Variants in RP1 observed in about 807,000 individuals in gnomAD.
RP1 encodes RP1 axonemal microtubule associated, also known as oxygen-regulated protein 1.
A neutral mutation model predicts 14.8 loss-of-function variants in RP1; 16 were observed. That is an observed-to-expected ratio of 1.08 (90% CI 0.73 to 1.65). The LOEUF (loss-of-function observed/expected upper bound fraction) is 1.65. RP1 is among the 40% of genes most tolerant of loss of function. RP1 has a pLI of 0.00. For synonymous variants in RP1, 876 were observed against 883.6 expected, an observed-to-expected ratio of 0.99 and a Z score of 0.15; for missense variants, 2,631 against 2,535.0, an observed-to-expected ratio of 1.04 and a Z score of -0.81.
chr8:54,798,265 G>A (rs182823962), intron 24 of RP1, among the ~76,000 whole-genome samples: 10 of 152,242 alleles, frequency 6.6e-5, no homozygotes, highest in Admixed American at 2.6e-4. Flanking sequence ...GCCTGCTTCG[G>A]CCTCTCAAAG....
At chr8:54,833,329 G>A (rs1183086701) in intron 24 of RP1, among the ~76,000 whole-genome samples, 1 of 151,866 alleles carries the variant, frequency 6.6e-6, no homozygotes, top group African/African-American at 2.4e-5. Context: ...CTATTTTCAA[G>A]GGTAAGGTCT....
At chr8:54,681,516 GTGTGTGTA>G (rs1807430662) in intron 12 of RP1, among the ~76,000 whole-genome samples, 1 of 151,220 alleles carries the variant, frequency 6.6e-6, no homozygotes, top group African/African-American at 2.4e-5. Context: ...GTGTGTGTGT[GTGTGTGTA>G]TGTATATATG....
At chr8:54,591,414 T>A (rs1563320232) in intron 1 of RP1, among the ~76,000 whole-genome samples, 2 of 152,100 alleles carry the variant, frequency 1.3e-5, no homozygotes, top group Non-Finnish European at 1.5e-5. Context: ...GGAATACATT[T>A]CTTCTGTATC....
At chr8:54,801,251 A>C (rs1810698577) in intron 24 of RP1, among the ~76,000 whole-genome samples, 1 of 151,958 alleles carries the variant, frequency 6.6e-6, no homozygotes, top group Non-Finnish European at 1.5e-5. Context: ...GCTGTATTCC[A>C]CTGTTATTTT....
In RP1 at chr8:54,628,368, GA is replaced by G. The variant is rs773327743; in HGVS notation, c.4488del (p.Glu1497ArgfsTer2). The G allele has an allele frequency of 6.2e-7, 1 of 1,613,702 alleles. No individual in the cohort carries two copies. The highest frequency in any genetic ancestry group is 8.5e-7 in the Non-Finnish European group (1 of 1,179,836). Reference sequence around the variant, plus strand: ...GCAAGCCACTGAAGAATTAATCCAAGAAGAGGTAGAGGCTAGTAAAACTTTA... The same window carrying G: ...GCAAGCCACTGAAGAATTAATCCAAGAGAGGTAGAGGCTAGTAAAACTTTA... ...GEQATEELIQEEVEASKTLEL... is the reference protein window; with the variant it reads ...GEQATEELIQXEVEASKTLEL... On this transcript the variant is annotated frameshift_variant, in exon 4 of 4. Transcript: ENST00000220676. LOFTEE classifies it low-confidence loss of function (END_TRUNC).
intron 7 of RP1, among the ~76,000 whole-genome samples, chr8:54,669,828 G>A (rs1449132255): frequency 1.4e-5 from 2 of 147,772 alleles, no homozygotes; most frequent in African/African-American, 4.9e-5. Context: ...ACTGAACAAT[G>A]AGAACACTTG....
chr8:54,768,371 A>T (rs1275023728), intron 22 of RP1, among the ~76,000 whole-genome samples: 1 of 152,188 alleles, frequency 6.6e-6, no homozygotes, highest in Non-Finnish European at 1.5e-5. Flanking sequence ...TTACATTTAT[A>T]TCTTTACATA....
chr8:54,781,054 G>A (rs1010691714), intron 23 of RP1: 12 of 984,326 alleles, frequency 1.2e-5, no homozygotes, highest in Non-Finnish European at 1.4e-5. Context: ...TAACACAAAA[G>A]GAAAGTAAGC....
At chr8:54,617,816 C>G (rs573888192) in intron 1 of RP1, among the ~76,000 whole-genome samples, 1 of 152,308 alleles carries the variant, frequency 6.6e-6, no homozygotes, top group African/African-American at 2.4e-5. Context: ...TAAGACAGGG[C>G]AAAAGCTGAT....
rs1470763369 is a variant in RP1, at chr8:54,741,705, GTGTATATATATA to G, written c.2808+2678_2808+2689del. On this transcript the variant is annotated intron_variant, in intron 19 of 22. Coordinates refer to the RP1 transcript ENST00000636932. Reference sequence around the variant, plus strand: ...TATGTACATATAAATACAAATGTGTGTGTATATATATATATATATATATATATATATATATAT... The same window carrying G: ...TATGTACATATAAATACAAATGTGTGTATATATATATATATATATATATAT... Among the ~76,000 whole-genome samples, 578 of 75,904 alleles carry G rather than the reference GTGTATATATATA, an allele frequency of 7.6e-3. 10 individuals are homozygous for G. The highest frequency in any genetic ancestry group is 0.027 in the African/African-American group (451 of 16,948). The allele number at this position is 75,904 out of a possible 152,430, so 49.8% of individuals were successfully genotyped here.
chr8:54,719,097 C>G (rs1808475306), intron 15 of RP1, among the ~76,000 whole-genome samples: 1 of 152,118 alleles, frequency 6.6e-6, no homozygotes, highest in African/African-American at 2.4e-5. Flanking sequence ...CTGTACTTAC[C>G]TTCTGTATTG....
downstream of RP1, among the ~76,000 whole-genome samples, chr8:54,634,374 A>G (rs1806308098): frequency 6.6e-6 from 1 of 152,218 alleles, no homozygotes; most frequent in Non-Finnish European, 1.5e-5. Flanking sequence ...CCAGGACAAA[A>G]ATTACATTCC....
At chr8:54,837,531 G>A (rs994272673) in exon 25 of RP1, 1 of 1,231,776 alleles carries the variant, frequency 8.1e-7, no homozygotes, top group Non-Finnish European at 1.0e-6. Flanking sequence ...GTGGTATCTG[G>A]AAGAAGTTAG....
intron 14 of RP1, among the ~76,000 whole-genome samples, chr8:54,702,449 G>A (rs1808047091): frequency 6.6e-6 from 1 of 152,134 alleles, no homozygotes; most frequent in Non-Finnish European, 1.5e-5. Context: ...GTGTACAACA[G>A]CATTATGTCT....
chr8:54,664,775 T>C (rs2129330201), intron 7 of RP1, among the ~76,000 whole-genome samples: 1 of 152,276 alleles, frequency 6.6e-6, no homozygotes, highest in South Asian at 2.1e-4. Flanking sequence ...TTCTCACTTA[T>C]AAGTGGAGCT....
At chr8:54,849,920 G>A (rs1812019804) in intron 25 of RP1, among the ~76,000 whole-genome samples, 1 of 152,168 alleles carries the variant, frequency 6.6e-6, no homozygotes, top group South Asian at 2.1e-4. Context: ...TGAAAAAATA[G>A]TGAAAATACA....
rs1806040007 is a variant in RP1 at position 54,626,176 on chromosome 8, C to T, written c.2294C>T (p.Thr765Ile). The part of the protein sequence containing the change: ...KNFHRNKLNT[T>I]QNSKVQGLLT... ...TTCCATAGAAATAAATTAAATACTA[C>T]TCAAAATTCCAAGGTTCAAGGACTT... The change falls in exon 4 of 4, where the codon ACT becomes ATT. Residue 765 changes from threonine to isoleucine, a missense_variant. By Grantham distance (89) the Thr-to-Ile change is moderately conservative. Transcript: ENST00000220676. 6 of 1,611,266 alleles carry T rather than the reference C, an allele frequency of 3.7e-6. No homozygotes were observed. Among genetic ancestry groups the T allele is most frequent in the Non-Finnish European group, 5.1e-6 (6 of 1,178,608 alleles).
intron 18 of RP1, chr8:54,738,907 T>A: frequency 7.5e-7 from 1 of 1,340,914 alleles, no homozygotes; most frequent in Non-Finnish European, 9.9e-7. Flanking sequence ...ATTTAAAAAA[T>A]TCTGATAATT....
At chr8:54,836,643 G>A (rs1197607699) in intron 24 of RP1, among the ~76,000 whole-genome samples, 4 of 152,272 alleles carry the variant, frequency 2.6e-5, no homozygotes, top group Non-Finnish European at 5.9e-5. Flanking sequence ...GCTTGGAAGC[G>A]GAAGCTTCCC....
Sources: gnomAD v4.1 joint callset for allele counts (sites outside exome capture counted in the v4.1 genomes callset) on GRCh38, gnomAD v4.1.1 for gene constraint, MANE v1.5 for transcripts, NCBI Gene and HGNC (gene_info 2026-07-23, HGNC 2026-07-21) for gene names.